Variants in PIN4 observed in about 807,000 individuals in gnomAD.
PIN4 encodes peptidyl-prolyl cis-trans isomerase NIMA-interacting 4.
PIN4 carries 3 observed loss-of-function variants against 8.3 expected under a neutral mutation model. The ratio of observed to expected loss-of-function variants is 0.36; its 90% CI spans 0.16 to 0.93. The LOEUF (loss-of-function observed/expected upper bound fraction) is 0.93. Ranked by LOEUF, PIN4 falls within the 40% of genes least tolerant of loss-of-function variation. The pLI is 0.44. For synonymous variants in PIN4, 18 were observed against 32.5 expected (o/e 0.55, Z 1.52); for missense variants, 75 against 100.6 (o/e 0.75, Z 1.09).
chrX:72,233,836 C>T (rs1255746243), intron 3 of PIN4, among the ~76,000 whole-genome samples: 3 of 105,453 alleles, frequency 2.8e-5, no homozygotes, highest in African/African-American at 1.0e-4. Flanking sequence ...TTTTTTTGAC[C>T]GGGCAAGGGG....
chrX:72,246,503 C>T (rs1463462052), intron 3 of PIN4, among the ~76,000 whole-genome samples: 1 of 111,505 alleles, frequency 9.0e-6, no homozygotes, highest in Non-Finnish European at 1.9e-5. Context: ...TCCTTCAAAG[C>T]CCCCTCGTTT....
chrX:72,241,432 G>C, intron 3 of PIN4, among the ~76,000 whole-genome samples: 1 of 111,887 alleles, frequency 8.9e-6, no homozygotes, highest in Non-Finnish European at 1.9e-5. Context: ...CTTGGAAGCA[G>C]AGAGCAGCCC....
At chrX:72,191,836 T>G (rs1359336107) in intron 2 of PIN4, among the ~76,000 whole-genome samples, 3 of 111,686 alleles carry the variant, frequency 2.7e-5, no homozygotes, top group African/African-American at 9.8e-5. Context: ...ACCTTGCTCC[T>G]TCATTTATCT....
At chrX:72,236,583 T>A (rs1175755273) in intron 3 of PIN4, among the ~76,000 whole-genome samples, 3 of 112,053 alleles carry the variant, frequency 2.7e-5, no homozygotes, top group Non-Finnish European at 5.6e-5. Context: ...CATGAGCCAC[T>A]GCACCCAGCC....
chrX:72,205,045 A>G, intron 3 of PIN4: 1 of 1,203,861 alleles, frequency 8.3e-7, no homozygotes, highest in Non-Finnish European at 1.1e-6. Context: ...ATACAAACTT[A>G]AAGTCAAGAG....
intron 3 of PIN4, among the ~76,000 whole-genome samples, chrX:72,253,668 G>C (rs1186207523): frequency 9.3e-6 from 1 of 107,378 alleles, no homozygotes; most frequent in African/African-American, 3.4e-5. Context: ...GGGCGTGGTG[G>C]CTCATACTGT....
intron 1 of PIN4, among the ~76,000 whole-genome samples, chrX:72,185,072 A>G (rs1476101665): frequency 1.1e-5 from 1 of 90,733 alleles, no homozygotes; most frequent in South Asian, 6.4e-4. Flanking sequence ...TGAACCCGGG[A>G]GGCGGAGCTT....
At chrX:72,192,342 T>A (rs900147177) in intron 2 of PIN4, among the ~76,000 whole-genome samples, 1 of 111,770 alleles carries the variant, frequency 8.9e-6, no homozygotes, top group Admixed American at 9.5e-5. Flanking sequence ...TGAATTACCC[T>A]CCCACTTGAC....
chrX:72,244,945 G>A (rs760298962), intron 3 of PIN4, among the ~76,000 whole-genome samples: 23 of 105,633 alleles, frequency 2.2e-4, no homozygotes, highest in Non-Finnish European at 3.9e-4. Flanking sequence ...GTGGTGGTGT[G>A]TGCTGTAGTC....
At chrX:72,211,237 C>T (rs1232047653) in intron 3 of PIN4, among the ~76,000 whole-genome samples, 1 of 110,830 alleles carries the variant, frequency 9.0e-6, no homozygotes, top group Non-Finnish European at 1.9e-5. Context: ...TCCAGAATTG[C>T]TCCCCTATTT....
At chrX:72,190,262 T>G (rs1018252454) in intron 2 of PIN4, among the ~76,000 whole-genome samples, 3 of 112,090 alleles carry the variant, frequency 2.7e-5, no homozygotes, top group Middle Eastern at 9.3e-3. Context: ...TCAGGATCAA[T>G]CCAATGGTCT....
chrX:72,182,064 A>G, intron 1 of PIN4: 1 of 416,179 alleles, frequency 2.4e-6, no homozygotes, highest in South Asian at 3.9e-5. Context: ...CTGCTATTTC[A>G]AGGGGTTATT....
At chrX:72,211,556 G>A (rs2042854276) in intron 3 of PIN4, among the ~76,000 whole-genome samples, 1 of 111,566 alleles carries the variant, frequency 9.0e-6, no homozygotes, top group Non-Finnish European at 1.9e-5. Context: ...TTACAGTCTG[G>A]ATTACAATTC....
chrX:72,247,196 T>C (rs752268417), intron 3 of PIN4, among the ~76,000 whole-genome samples: 1 of 111,724 alleles, frequency 9.0e-6, no homozygotes, highest in Admixed American at 9.5e-5. Context: ...ACTACCCCTG[T>C]CTCCCTTTTA....
At chrX:72,216,336 T>A (rs2042887138) in intron 3 of PIN4, among the ~76,000 whole-genome samples, 3 of 111,165 alleles carry the variant, frequency 2.7e-5, no homozygotes, top group South Asian at 7.6e-4. Context: ...TATTTCTCAG[T>A]CTCCAAAAAG....
At position 72,197,374 on chromosome X, in the gene PIN4, T is replaced by C; in HGVS notation, c.244T>C (p.Leu82=). 1 of 1,203,792 alleles carries C rather than the reference T, an allele frequency of 8.3e-7. No individual in the cohort carries two copies. Among genetic ancestry groups the C allele is most frequent in the East Asian group, 3.0e-5 (1 of 33,743 alleles). Residue 82 remains leucine, a synonymous_variant, in exon 4 of 4, where the codon TTG becomes CTG. Transcript: ENST00000373669. ...SEDKARQGGD[L]GWMTRGSMVG... ...TATCTTTTGGGTTTTTCAGGGTGAC[T>C]TGGGTTGGATGACCAGAGGGTCCAT...
chrX:72,221,892 G>A (rs189287595), intron 3 of PIN4, among the ~76,000 whole-genome samples: 49 of 109,320 alleles, frequency 4.5e-4, no homozygotes, highest in East Asian at 3.2e-3. Context: ...ATCCCTTCCC[G>A]CGAAAACCCT....
At chrX:72,206,610 C>T (rs1245518499) in intron 3 of PIN4, 1 of 1,209,057 alleles carries the variant, frequency 8.3e-7, no homozygotes, top group African/African-American at 1.8e-5. Flanking sequence ...TTTGTTGTTC[C>T]ATCAGGAACT....
intron 3 of PIN4, among the ~76,000 whole-genome samples, chrX:72,245,106 C>T (rs1314757514): frequency 2.1e-5 from 2 of 97,322 alleles, no homozygotes; most frequent in Non-Finnish European, 4.0e-5. Flanking sequence ...AAAAAGGAGC[C>T]GAGAGTGGGT....
Sources: allele counts gnomAD v4.1 joint callset (sites outside exome capture counted in the v4.1 genomes callset), GRCh38; gene constraint gnomAD v4.1.1; transcripts MANE v1.5; gene names NCBI Gene and HGNC (gene_info 2026-07-23, HGNC 2026-07-21).